SESTD1: variants seen among roughly 807,000 people sequenced by gnomAD.
The protein encoded by SESTD1 is SEC14 and spectrin domain containing 1, also known as SEC14 domain and spectrin repeat-containing protein 1.
In SESTD1, 43 loss-of-function variants were observed where a neutral mutation model predicts 101.7. The ratio of observed to expected loss-of-function variants is 0.42; its 90% CI spans 0.33 to 0.55. SESTD1 has a LOEUF of 0.55. SESTD1 is among the 20% of genes least tolerant of loss of function. The pLI, the probability that SESTD1 is intolerant of heterozygous loss-of-function variation, is 0.07. For synonymous variants in SESTD1, 283 were observed against 286.8 expected (o/e 0.99, Z 0.13); for missense variants, 647 against 815.1 (o/e 0.79, Z 2.51).
chr2:179,200,081 A>G (rs1160888466), intron 1 of SESTD1, among the ~76,000 whole-genome samples: 1 of 152,220 alleles, frequency 6.6e-6, no homozygotes, highest in Non-Finnish European at 1.5e-5. Flanking sequence ...GCAAAGTCTC[A>G]CGATACAAAA....
intron 1 of SESTD1, among the ~76,000 whole-genome samples, chr2:179,200,459 A>G (rs569812536): frequency 1.4e-4 from 21 of 147,174 alleles, no homozygotes; most frequent in African/African-American, 3.6e-4. Flanking sequence ...AGCCCGCATC[A>G]CCAAGTCAAT....
At chr2:179,167,304 T>C (rs1575456763) in intron 5 of SESTD1, among the ~76,000 whole-genome samples, 1 of 151,796 alleles carries the variant, frequency 6.6e-6, no homozygotes, top group African/African-American at 2.4e-5. Flanking sequence ...AACTTGAAAA[T>C]GGATCAAGAG....
At chr2:179,149,073 A>G (rs2045458182) in intron 7 of SESTD1, among the ~76,000 whole-genome samples, 1 of 93,702 alleles carries the variant, frequency 1.1e-5, no homozygotes, top group African/African-American at 4.3e-5. Flanking sequence ...AAAAAAAAAA[A>G]AAAAAAAAAA....
At chr2:179,147,326 T>G (rs1470201095) in intron 7 of SESTD1, among the ~76,000 whole-genome samples, 3 of 151,884 alleles carry the variant, frequency 2.0e-5, no homozygotes, top group African/African-American at 4.8e-5. Context: ...CTTCCCAAAG[T>G]GTTTCCCAAA....
At chr2:179,113,737 G>T (rs934187066) in intron 16 of SESTD1, among the ~76,000 whole-genome samples, 1 of 152,004 alleles carries the variant, frequency 6.6e-6, no homozygotes, top group Admixed American at 6.6e-5. Context: ...ACAGTCAAGA[G>T]GAAAGTAATA....
intron 1 of SESTD1, among the ~76,000 whole-genome samples, chr2:179,234,058 C>G (rs569275944): frequency 1.3e-5 from 2 of 152,248 alleles, no homozygotes; most frequent in East Asian, 3.9e-4. Context: ...TCAGTTTGCC[C>G]TCCGTAATGC....
intron 1 of SESTD1, among the ~76,000 whole-genome samples, chr2:179,261,033 A>C (rs10930859): frequency 0.28 from 42,192 of 151,768 alleles, 6,097 homozygotes; most frequent in South Asian, 0.43. Context: ...TACTCTCTCT[A>C]TATATATACA....
chr2:179,112,988 G>A (rs1280471750), intron 16 of SESTD1, 143 bp from the exon 17 acceptor site: 2 of 1,117,466 alleles, frequency 1.8e-6, no homozygotes, highest in Non-Finnish European at 2.4e-6. Context: ...GTAGATTAAA[G>A]GCATTTTCTT....
At chr2:179,124,312 G>C in intron 11 of SESTD1, 52 bp downstream of exon 11, 1 of 1,530,728 alleles carries the variant, frequency 6.5e-7, no homozygotes. Flanking sequence ...TTACGTGTAG[G>C]TAAGTGTTCA....
At chr2:179,118,699 G>A (rs1197768638) in intron 13 of SESTD1, among the ~76,000 whole-genome samples, 1 of 152,194 alleles carries the variant, frequency 6.6e-6, no homozygotes, top group Non-Finnish European at 1.5e-5. Context: ...AGGCCACTTT[G>A]ATGAAGATGG....
intron 1 of SESTD1, among the ~76,000 whole-genome samples, chr2:179,261,018 G>A (rs954033761): frequency 6.6e-6 from 1 of 152,122 alleles, no homozygotes; most frequent in East Asian, 1.9e-4. Flanking sequence ...GAGATTTTCA[G>A]CTTTTACTCT....
At chr2:179,134,310 T>C (rs1159798393) in intron 9 of SESTD1, among the ~76,000 whole-genome samples, 1 of 152,200 alleles carries the variant, frequency 6.6e-6, no homozygotes, top group Non-Finnish European at 1.5e-5. Context: ...TATAATACTT[T>C]AATGATTTTT....
intron 5 of SESTD1, among the ~76,000 whole-genome samples, chr2:179,153,448 G>C (rs1273664811): frequency 6.6e-6 from 1 of 152,058 alleles, no homozygotes; most frequent in Non-Finnish European, 1.5e-5. Context: ...GGAAGTATCA[G>C]TTTAAACTCC....
In SESTD1 at chr2:179,109,744, T is replaced by C. The variant is rs1162876200; in HGVS notation, c.*155A>G. 1.2e-6 allele frequency: 1 copy of C among 850,990 alleles called. No homozygotes were observed. Among genetic ancestry groups the C allele is most frequent in the Non-Finnish European group, 1.8e-6 (1 of 566,618 alleles). 52.7% of individuals were successfully genotyped at this position (850,990 alleles called of 1,614,324 possible). ...ATGTTAAGTAATTATGCCTTGGTAG[T>C]AGCAAGGTGTTAACATGTAAAGAGA... On this transcript the variant is annotated 3_prime_UTR_variant, in exon 18 of 18. Coordinates refer to ENST00000428443, the MANE Select transcript of SESTD1 (RefSeq NM_178123.5).
intron 9 of SESTD1, among the ~76,000 whole-genome samples, chr2:179,134,348 A>T (rs928945887): frequency 6.6e-6 from 1 of 152,146 alleles, no homozygotes; most frequent in Non-Finnish European, 1.5e-5. Flanking sequence ...TTATAACATA[A>T]TTTTCAATGA....
intron 10 of SESTD1, among the ~76,000 whole-genome samples, chr2:179,131,121 T>G (rs1157276813): frequency 1.3e-5 from 2 of 152,142 alleles, no homozygotes; most frequent in African/African-American, 4.8e-5. Flanking sequence ...CTCTTATTAT[T>G]CCTTCAGCTA....
intron 3 of SESTD1, among the ~76,000 whole-genome samples, chr2:179,180,076 G>A (rs2046081042): frequency 6.6e-6 from 1 of 152,074 alleles, no homozygotes. Context: ...TAGCACTCAT[G>A]AATATCCAAA....
intron 1 of SESTD1, among the ~76,000 whole-genome samples, chr2:179,243,781 G>A (rs2047188559): frequency 6.6e-6 from 1 of 151,786 alleles, no homozygotes; most frequent in South Asian, 2.1e-4. Flanking sequence ...GGGGCTAAGG[G>A]CTGAAAAACA....
At chr2:179,186,880 T>A (rs530273206) in intron 2 of SESTD1, among the ~76,000 whole-genome samples, 1 of 151,784 alleles carries the variant, frequency 6.6e-6, no homozygotes, top group African/African-American at 2.4e-5. Context: ...TAGAGAAGAG[T>A]CAGATCACAC....
Sources: allele counts gnomAD v4.1 joint callset (sites outside exome capture counted in the v4.1 genomes callset), GRCh38; gene constraint gnomAD v4.1.1; transcripts MANE v1.5; gene names NCBI Gene and HGNC (gene_info 2026-07-23, HGNC 2026-07-21).